COL6A6: variants seen among roughly 807,000 people sequenced by gnomAD.
COL6A6 encodes the protein collagen alpha-6(VI) chain.
In COL6A6, 183 loss-of-function variants were observed where a neutral mutation model predicts 208.6. That is an observed-to-expected ratio of 0.88 (90% confidence interval 0.78 to 0.99). The LOEUF is 0.99. Among genes scored for constraint, COL6A6 ranks in the 50% least tolerant of loss-of-function variants. The pLI is 0.00. For synonymous variants in COL6A6, 973 were observed against 1,011.8 expected, an observed-to-expected ratio of 0.96 and a Z score of 0.73; for missense variants, 2,816 against 2,815.2, an observed-to-expected ratio of 1.00 and a Z score of -0.01.
chr3:130,560,484 T>C (rs980600191), intron 2 of COL6A6, 56 bp downstream of exon 2: 55 of 1,463,402 alleles, frequency 3.8e-5, no homozygotes, highest in Non-Finnish European at 5.2e-5. Flanking sequence ...AGATAATACA[T>C]GAGTTTGACC....
intron 1 of COL6A6, among the ~76,000 whole-genome samples, chr3:130,528,475 T>C (rs2062010876): frequency 6.6e-6 from 1 of 152,196 alleles, no homozygotes; most frequent in Non-Finnish European, 1.5e-5. Flanking sequence ...AGTGAGATAA[T>C]AAACATTTTA....
At chr3:130,590,684 C>T (rs973102744) in intron 12 of COL6A6, among the ~76,000 whole-genome samples, 10 of 152,096 alleles carry the variant, frequency 6.6e-5, no homozygotes, top group African/African-American at 2.2e-4. Flanking sequence ...TCTCCTGCCT[C>T]GGCCTCCTGA....
chr3:130,634,741 C>A, intron 27 of COL6A6, 116 bp downstream of exon 27: 1 of 717,480 alleles, frequency 1.4e-6, no homozygotes, highest in Non-Finnish European at 2.3e-6. Flanking sequence ...TACCTTTGTG[C>A]GGAGAAGGAG....
At chr3:130,530,276 G>C (rs1330714351) in intron 1 of COL6A6, among the ~76,000 whole-genome samples, 2 of 150,638 alleles carry the variant, frequency 1.3e-5, no homozygotes, top group African/African-American at 4.9e-5. Flanking sequence ...ACCGTCTGAA[G>C]CTTGTTCCAG....
rs192670815 is a variant in COL6A6 at position 130,532,890 on chromosome 3, C to T, written c.-32+15493C>T. On this transcript the variant is annotated intron_variant, in intron 1 of 36. Coordinates refer to ENST00000358511, the MANE Select transcript of COL6A6 (RefSeq NM_001102608.3). The stretch of plus-strand genomic sequence containing the variant: ...ATCTGGGAGCTGGTTAGGCATCTCT[C>T]CTGACCTCTTCACAAAGCCTCTCCA... Among the ~76,000 whole-genome samples, 12 of 152,166 alleles carry T rather than the reference C, an allele frequency of 7.9e-5. No individual in the cohort carries two copies. The East Asian group carries it at 1.7e-3, about 22-fold the overall frequency.
rs1338871924 is a variant in COL6A6, at chr3:130,567,387, CTG to C, written c.1843+129_1843+130del. On this transcript the variant is annotated intron_variant, in intron 5 of 36. Coordinates refer to ENST00000358511, the MANE Select transcript of COL6A6 (RefSeq NM_001102608.3). ...AGTTGAGATTTGTTAACTTGTGTAA[CTG>C]TGTTCTCTAGAACAAAGCTAAGAGC... is the stretch of plus-strand genomic sequence containing the variant. 16 of 742,084 alleles carry C rather than the reference CTG, an allele frequency of 2.2e-5. No homozygotes were observed. In the African/African-American group the frequency reaches 2.7e-4, roughly 12 times the overall value. The allele number at this position is 742,084 out of a possible 1,614,324, so 46.0% of individuals were successfully genotyped here.
At chr3:130,638,449 C>A (rs899904460) in intron 28 of COL6A6, among the ~76,000 whole-genome samples, 1 of 152,188 alleles carries the variant, frequency 6.6e-6, no homozygotes, top group South Asian at 2.1e-4. Flanking sequence ...GATGGAGGTT[C>A]GTCTGTGGCT....
chr3:130,516,824 C>T (rs1710763720), upstream of COL6A6, among the ~76,000 whole-genome samples: 1 of 152,176 alleles, frequency 6.6e-6, no homozygotes, highest in African/African-American at 2.4e-5. Flanking sequence ...CAGGCAAAGC[C>T]GCCAAAGAAC....
At chr3:130,604,042 G>A (rs1050812595) in intron 20 of COL6A6, among the ~76,000 whole-genome samples, 3 of 152,100 alleles carry the variant, frequency 2.0e-5, no homozygotes, top group Non-Finnish European at 4.4e-5. Flanking sequence ...GCAAGTCGTT[G>A]GGTAAACCAT....
At chr3:130,647,830 AAC>A (rs1484092330) in intron 32 of COL6A6, among the ~76,000 whole-genome samples, 2 of 152,230 alleles carry the variant, frequency 1.3e-5, no homozygotes, top group African/African-American at 4.8e-5. Context: ...CTCCAAGAGA[AAC>A]ACATCACTGG....
At chr3:130,560,501 A>G in intron 2 of COL6A6, 73 bp downstream of exon 2, 1 of 1,336,158 alleles carries the variant, frequency 7.5e-7, no homozygotes, top group Non-Finnish European at 1.0e-6. Context: ...GACCTATTTA[A>G]AAGTTACAAG....
chr3:130,548,537 T>A (rs2062571733), intron 1 of COL6A6, among the ~76,000 whole-genome samples: 2 of 152,214 alleles, frequency 1.3e-5, no homozygotes, highest in African/African-American at 4.8e-5. Flanking sequence ...TAGGATCTCC[T>A]TAACTACTTT....
chr3:130,650,415 G>A (rs1452957674), intron 33 of COL6A6, among the ~76,000 whole-genome samples: 2 of 152,184 alleles, frequency 1.3e-5, no homozygotes, highest in Non-Finnish European at 2.9e-5. Context: ...AAGGTCAGGA[G>A]ATCGAGACCA....
chr3:130,657,565 AT>A (rs1198173515), intron 33 of COL6A6, among the ~76,000 whole-genome samples: 2 of 151,576 alleles, frequency 1.3e-5, no homozygotes, highest in Non-Finnish European at 2.9e-5. Flanking sequence ...AGACTTGGCT[AT>A]TTGTTTAAAA....
At position 130,607,378 on chromosome 3, in the gene COL6A6, G is replaced by C. The variant is rs559878177; in HGVS notation, c.4689+412G>C. On this transcript the variant is annotated intron_variant, in intron 21 of 36. Transcript: ENST00000358511. ...ATATTCTGAGTATTTTGTTCAAAAA[G>C]TTGGTTAAATCAAAAACCATATCCC... Among the ~76,000 whole-genome samples the C allele has an allele frequency of 1.4e-4, 22 of 152,242 alleles. No individual in the cohort carries two copies. In the East Asian group the frequency reaches 2.5e-3, roughly 17 times the overall value.
intron 20 of COL6A6, among the ~76,000 whole-genome samples, chr3:130,600,636 T>A (rs1399997858): frequency 3.3e-5 from 5 of 152,158 alleles, no homozygotes; most frequent in Non-Finnish European, 5.9e-5. Flanking sequence ...ACACCGCATG[T>A]TTTCACTCAC....
At chr3:130,672,110 A>G (rs1450887300) in intron 36 of COL6A6, among the ~76,000 whole-genome samples, 3 of 152,244 alleles carry the variant, frequency 2.0e-5, no homozygotes, top group African/African-American at 7.2e-5. Flanking sequence ...TGCATTTTCT[A>G]TTTCAGTGCA....
In COL6A6 at chr3:130,542,924, T is replaced by A. The variant is rs867980832; in HGVS notation, c.-31-17410T>A. Among the ~76,000 whole-genome samples the A allele has an allele frequency of 9.3e-3, 942 of 101,170 alleles. 7 individuals carry two copies. Among genetic ancestry groups the A allele is most frequent in the African/African-American group, 0.033 (877 of 26,860 alleles). 66.4% of individuals were successfully genotyped at this position (101,170 alleles called of 152,430 possible). ...TTTTTTTTTTTTTTTTTTTTTTTTTTAGATAGGAGTCTTGCTCTGTCACCA... is the reference window on the plus strand; with the variant it reads ...TTTTTTTTTTTTTTTTTTTTTTTTTAAGATAGGAGTCTTGCTCTGTCACCA... On this transcript the variant is annotated intron_variant, in intron 1 of 36. Coordinates refer to ENST00000358511, the MANE Select transcript of COL6A6 (RefSeq NM_001102608.3).
At chr3:130,545,306 C>T (rs1172599038) in intron 1 of COL6A6, among the ~76,000 whole-genome samples, 1 of 152,144 alleles carries the variant, frequency 6.6e-6, no homozygotes, top group Non-Finnish European at 1.5e-5. Flanking sequence ...TCTTGGTTCT[C>T]TCTAACTTTT....
Sources: gnomAD v4.1 joint callset for allele counts (sites outside exome capture counted in the v4.1 genomes callset) on GRCh38, gnomAD v4.1.1 for gene constraint, MANE v1.5 for transcripts, NCBI Gene and HGNC (gene_info 2026-07-23, HGNC 2026-07-21) for gene names.